Variants in TASP1 observed in about 807,000 individuals in gnomAD.
TASP1 encodes taspase 1.
In TASP1, 16 loss-of-function variants were observed where a neutral mutation model predicts 56.6. The ratio of observed to expected loss-of-function variants is 0.28; its 90% CI spans 0.19 to 0.43. The LOEUF is 0.43. TASP1 is among the 20% of genes least tolerant of loss of function. The pLI is 1.00. For missense variants in TASP1, 393 were observed against 511.6 expected (o/e 0.77, Z 2.24); for synonymous variants, 179 against 184.2 (o/e 0.97, Z 0.23).
At chr20:13,553,760 A>C (rs2046060019) in intron 8 of TASP1, among the ~76,000 whole-genome samples, 1 of 152,200 alleles carries the variant, frequency 6.6e-6, no homozygotes, top group Non-Finnish European at 1.5e-5. Context: ...AATTGTGGGG[A>C]AGGAGATTAT....
At chr20:13,258,806 C>T in the TASP1 span, among the ~76,000 whole-genome samples, 1 of 152,060 alleles carries the variant, frequency 6.6e-6, no homozygotes, top group Admixed American at 6.5e-5. Flanking sequence ...TCTGTTCTCC[C>T]CATAAGGACC....
chr20:13,174,026 C>T, the TASP1 span, among the ~76,000 whole-genome samples: 3 of 152,120 alleles, frequency 2.0e-5, no homozygotes, highest in Non-Finnish European at 4.4e-5. Context: ...AAGAGAGAGC[C>T]ACTAAAAATA....
chr20:13,437,549 C>G lies in TASP1; in HGVS notation c.986-2395G>C, dbSNP rs955562851. ...GAAGGAAATAAAGGGTATTCAATTA[C>G]GAAAAGAGGAAATCAAATTGTCCCT... On this transcript the variant is annotated intron_variant, in intron 11 of 13. Transcript: ENST00000337743. Among the ~76,000 whole-genome samples, 1,127 of 152,060 alleles carry G rather than the reference C, an allele frequency of 7.4e-3. 6 individuals carry two copies. Among genetic ancestry groups the G allele is most frequent in the Non-Finnish European group, 0.011 (763 of 67,956 alleles).
At position 13,630,138 on chromosome 20, in the gene TASP1, A is replaced by C. The variant is rs879551561; in HGVS notation, c.-60T>G. 3.9e-5 allele frequency: 60 copies of C among 1,558,280 alleles called. No individual in the cohort carries two copies. The highest frequency in any genetic ancestry group is 4.9e-5 in the Non-Finnish European group (56 of 1,153,486). On this transcript the variant is annotated 5_prime_UTR_variant, in exon 2 of 14. Coordinates refer to ENST00000337743, the MANE Select transcript of TASP1 (RefSeq NM_017714.3). The stretch of plus-strand genomic sequence containing the variant: ...CATACTTCCATCCAAAAGTAATTGC[A>C]GGAGAGGAATTACCCTAAAGGAAAA...
chr20:13,389,123 GA>G (rs1255098297), downstream of TASP1, among the ~76,000 whole-genome samples: 3 of 152,158 alleles, frequency 2.0e-5, no homozygotes, highest in Non-Finnish European at 2.9e-5. Flanking sequence ...TTTATCAACT[GA>G]AACTATCGAG....
chr20:13,588,461 A>C (rs1487085026), intron 4 of TASP1, among the ~76,000 whole-genome samples: 2 of 152,194 alleles, frequency 1.3e-5, no homozygotes, highest in South Asian at 4.1e-4. Flanking sequence ...ATTAGAATTA[A>C]TAAGTTTAGG....
chr20:13,426,810 A>G (rs2042632294), intron 12 of TASP1, among the ~76,000 whole-genome samples: 1 of 152,210 alleles, frequency 6.6e-6, no homozygotes, highest in Non-Finnish European at 1.5e-5. Flanking sequence ...AATGTGGCTT[A>G]TCTCTTAAGA....
At chr20:13,444,538 G>A (rs960911223) in intron 11 of TASP1, among the ~76,000 whole-genome samples, 3 of 151,996 alleles carry the variant, frequency 2.0e-5, no homozygotes, top group African/African-American at 7.3e-5. Context: ...ATTAACTCCA[G>A]AACAAAAGAT....
chr20:13,249,371 G>A, the TASP1 span, among the ~76,000 whole-genome samples: 65 of 152,266 alleles, frequency 4.3e-4, 1 homozygote, highest in African/African-American at 1.5e-3. Context: ...GACCACTGCC[G>A]CCAGACATGA....
chr20:13,417,170 T>G (rs887312024), intron 13 of TASP1, among the ~76,000 whole-genome samples: 8 of 152,192 alleles, frequency 5.3e-5, no homozygotes, highest in African/African-American at 1.9e-4. Context: ...CTTCTCTACT[T>G]ATTCACAATG....
At chr20:13,204,302 A>G in the TASP1 span, among the ~76,000 whole-genome samples, 3 of 152,106 alleles carry the variant, frequency 2.0e-5, no homozygotes. Flanking sequence ...TGTCTGAGCC[A>G]CTTTTATTCA....
chr20:13,351,057 A>T, the TASP1 span, among the ~76,000 whole-genome samples: 1 of 152,188 alleles, frequency 6.6e-6, no homozygotes, highest in African/African-American at 2.4e-5. Flanking sequence ...AGATATAAGG[A>T]TGGCAAATAA....
the TASP1 span, chr20:13,133,110 T>A: frequency 6.6e-6 from 1 of 152,250 alleles, no homozygotes; most frequent in African/African-American, 2.4e-5. Context: ...TCTCTTCTGG[T>A]TTTTCTCTTA....
chr20:13,167,241 GTTCATGATTTTAA>G, the TASP1 span: 2,894 of 151,856 alleles, frequency 0.019, 80 homozygotes, highest in African/African-American at 0.066. Context: ...AGGCTAATAA[GTTCATGATTTTAA>G]TTCATGATTT....
downstream of TASP1, chr20:13,389,380 A>G (rs1266135652): frequency 1.3e-5 from 2 of 152,214 alleles, no homozygotes; most frequent in Admixed American, 1.3e-4. Flanking sequence ...AAAATAAATA[A>G]TAGCTCTCTA....
intron 9 of TASP1, among the ~76,000 whole-genome samples, chr20:13,530,759 A>C (rs1027834940): frequency 1.3e-5 from 2 of 152,186 alleles, no homozygotes; most frequent in Non-Finnish European, 2.9e-5. Flanking sequence ...CTTTCTTCTT[A>C]ACCTTCTGAA....
At chr20:13,587,221 A>C (rs757559312) in intron 5 of TASP1, 29 bp downstream of exon 5, 12 of 1,583,520 alleles carry the variant, frequency 7.6e-6, no homozygotes, top group Non-Finnish European at 1.0e-5. Flanking sequence ...ATGATTTTCC[A>C]AAGATAGTAG....
At chr20:13,366,133 G>A in the TASP1 span, among the ~76,000 whole-genome samples, 1 of 152,206 alleles carries the variant, frequency 6.6e-6, no homozygotes, top group Admixed American at 6.5e-5. Context: ...ATATGTTTTG[G>A]ACATATTTGG....
downstream of TASP1, chr20:13,389,288 A>T (rs2041194273): frequency 1.3e-5 from 2 of 152,196 alleles, no homozygotes; most frequent in Admixed American, 1.3e-4. Context: ...GTCTTCTTTA[A>T]CTGCGTAACA....
Sources: gnomAD v4.1 joint callset for allele counts (sites outside exome capture counted in the v4.1 genomes callset) on GRCh38, gnomAD v4.1.1 for gene constraint, MANE v1.5 for transcripts, NCBI Gene and HGNC (gene_info 2026-07-23, HGNC 2026-07-21) for gene names.